IPO11: variants seen among roughly 807,000 people sequenced by gnomAD.
IPO11 encodes the protein importin-11.
Under a neutral mutation model 143.2 loss-of-function variants are expected in IPO11, and 66 were observed. The ratio of observed to expected loss-of-function variants is 0.46; its 90% CI spans 0.38 to 0.57. IPO11 has a LOEUF of 0.57. Ranked by LOEUF, IPO11 falls within the 20% of genes least tolerant of loss-of-function variation. IPO11 has a pLI of 0.00. For missense variants in IPO11, 1,026 were observed against 1,141.0 expected (o/e 0.90, Z 1.45); for synonymous variants, 385 against 377.8 (o/e 1.02, Z -0.22).
intron 29 of IPO11, among the ~76,000 whole-genome samples, chr5:62,623,645 C>CTTTTT (rs34547621): frequency 1.5e-5 from 2 of 134,252 alleles, no homozygotes; most frequent in African/African-American, 5.4e-5. Flanking sequence ...TCTTCTTTTT[C>CTTTTT]TTTTTTTTTT....
chr5:62,496,155 G>C (rs977243123), intron 16 of IPO11, among the ~76,000 whole-genome samples: 1 of 152,058 alleles, frequency 6.6e-6, no homozygotes, highest in Non-Finnish European at 1.5e-5. Flanking sequence ...GGGCATGGTG[G>C]CATGCGCCTG....
chr5:62,623,645 CTTTT>C (rs34547621), intron 29 of IPO11, among the ~76,000 whole-genome samples: 2 of 134,270 alleles, frequency 1.5e-5, no homozygotes, highest in Non-Finnish European at 1.6e-5. Context: ...TCTTCTTTTT[CTTTT>C]TTTTTTTTTT....
chr5:62,451,842 T>C lies in IPO11; in HGVS notation c.425T>C (p.Leu142Pro), dbSNP rs762709467. ...LIESVKVQDD[L>P]RQHRALLTFY... ...GAGTCTGTTAAAGTCCAGGATGATC[T>C]TCGACAGCACAGAGCATTACTTACC... The change falls in exon 5 of 30, where the codon CTT becomes CCT. Residue 142 changes from leucine to proline, a missense_variant. Leu to Pro is a moderately conservative substitution (Grantham distance 98). Coordinates refer to ENST00000325324, the MANE Select transcript of IPO11 (RefSeq NM_016338.5). 1 of 1,614,094 alleles carries C rather than the reference T, an allele frequency of 6.2e-7. No homozygotes were observed. Among genetic ancestry groups the C allele is most frequent in the South Asian group, 1.1e-5 (1 of 91,086 alleles).
chr5:62,579,694 C>T (rs1333514500), intron 27 of IPO11: 1 of 1,548,282 alleles, frequency 6.5e-7, no homozygotes, highest in African/African-American at 1.4e-5. Context: ...ACTTCATTCT[C>T]TTGTAGCATT....
intron 11 of IPO11, 21 bp downstream of exon 11, chr5:62,484,183 G>C: frequency 6.4e-7 from 1 of 1,569,748 alleles, no homozygotes; most frequent in Non-Finnish European, 8.6e-7. Context: ...ATTTTTTAGT[G>C]TTAGAATGAC....
chr5:62,610,487 ACTTACGTGT>A (rs775272292), intron 29 of IPO11, among the ~76,000 whole-genome samples: 27 of 152,202 alleles, frequency 1.8e-4, no homozygotes, highest in Non-Finnish European at 3.1e-4. Flanking sequence ...GTTTGTTGTC[ACTTACGTGT>A]TGGTTATCAC....
intron 1 of IPO11, among the ~76,000 whole-genome samples, chr5:62,428,366 C>T (rs153859): frequency 0.08 from 12,148 of 151,700 alleles, 536 homozygotes; most frequent in East Asian, 0.14. Context: ...TTTTTTGAGG[C>T]GGAGTCTCAC....
At chr5:62,542,370 G>A (rs879798702) in intron 24 of IPO11, among the ~76,000 whole-genome samples, 1 of 152,030 alleles carries the variant, frequency 6.6e-6, no homozygotes, top group Admixed American at 6.6e-5. Flanking sequence ...TAGGACAATA[G>A]TGCTTTCATT....
chr5:62,443,036 G>A lies in IPO11; in HGVS notation c.192G>A (p.Leu64=). The change falls in exon 3 of 30, where the codon CTG becomes CTA. Residue 64 remains leucine, a synonymous_variant. Transcript: ENST00000325324. ...TAAATGTAAGGTGGCTTGCTGTACT[G>A]TATTTTAAACATGGAATTGATCGCT... ...LDINVRWLAV[L]YFKHGIDRYW... is the part of the protein sequence containing the mutation. 6.2e-7 allele frequency: 1 copy of A among 1,612,606 alleles called. No homozygotes were observed. Among genetic ancestry groups the A allele is most frequent in the Non-Finnish European group, 8.5e-7 (1 of 1,179,210 alleles).
intron 18 of IPO11, among the ~76,000 whole-genome samples, chr5:62,505,473 G>A (rs970700500): frequency 6.6e-6 from 1 of 152,014 alleles, no homozygotes; most frequent in Non-Finnish European, 1.5e-5. Flanking sequence ...GTGATAAAAT[G>A]TACTTCTTTT....
At chr5:62,592,559 G>T (rs1021088321) in intron 28 of IPO11, among the ~76,000 whole-genome samples, 2 of 152,052 alleles carry the variant, frequency 1.3e-5, no homozygotes, top group African/African-American at 4.8e-5. Context: ...TAATGTAAGG[G>T]TTTATGGCTG....
intron 29 of IPO11, among the ~76,000 whole-genome samples, chr5:62,615,214 A>G (rs1273809924): frequency 1.3e-5 from 2 of 152,136 alleles, no homozygotes; most frequent in Non-Finnish European, 2.9e-5. Context: ...GGCCTTTGCC[A>G]GGGAACTGCC....
At chr5:62,416,182 CTTTT>C (rs869236693) in intron 1 of IPO11, among the ~76,000 whole-genome samples, 2 of 123,498 alleles carry the variant, frequency 1.6e-5, no homozygotes, top group Admixed American at 9.2e-5. Context: ...TTTTTCTTTT[CTTTT>C]TTTTTTTTTT....
intron 27 of IPO11, among the ~76,000 whole-genome samples, chr5:62,584,247 A>G (rs1744673009): frequency 6.6e-6 from 1 of 152,020 alleles, no homozygotes. Context: ...TTTGGTGTCA[A>G]GCTATTGATG....
chr5:62,467,196 A>C lies in IPO11; in HGVS notation c.582A>C (p.Gln194His), dbSNP rs758689101. The C allele has an allele frequency of 8.7e-6, 14 of 1,613,936 alleles. No homozygotes were observed. The highest frequency in any genetic ancestry group is 1.6e-4 in the Middle Eastern group (1 of 6,084). ...ATCACCACACAGACACATTCCTGCAAGAAGTTTCTTCTGGCAATGAAGCTG... is the reference window on the plus strand; with the variant it reads ...ATCACCACACAGACACATTCCTGCACGAAGTTTCTTCTGGCAATGAAGCTG... Reference protein sequence around the residue: ...LWNHHTDTFLQEVSSGNEAAI... With the variant: ...LWNHHTDTFLHEVSSGNEAAI... The change falls in exon 6 of 30, where the codon CAA becomes CAC. Residue 194 changes from glutamine (Q) to histidine (H), a missense_variant. Physicochemically the swap from Gln to His is conservative, Grantham distance 24. Coordinates refer to ENST00000325324, the MANE Select transcript of IPO11 (RefSeq NM_016338.5).
chr5:62,443,902 G>A (rs1744605212), intron 3 of IPO11, among the ~76,000 whole-genome samples: 1 of 152,096 alleles, frequency 6.6e-6, no homozygotes, highest in Admixed American at 6.6e-5. Flanking sequence ...TGCTTAAGAA[G>A]TAACATAATC....
At chr5:62,456,100 C>T (rs1745141398) in intron 5 of IPO11, among the ~76,000 whole-genome samples, 1 of 151,946 alleles carries the variant, frequency 6.6e-6, no homozygotes, top group African/African-American at 2.4e-5. Flanking sequence ...ACGACCTTGG[C>T]TCACTGTAAC....
intron 5 of IPO11, among the ~76,000 whole-genome samples, chr5:62,453,127 A>G (rs1003290915): frequency 6.6e-6 from 1 of 151,050 alleles, no homozygotes; most frequent in East Asian, 1.9e-4. Flanking sequence ...AGAGGGTGAC[A>G]TGGTGTTTTG....
intron 27 of IPO11, among the ~76,000 whole-genome samples, chr5:62,570,256 CTTTT>C (rs202091481): frequency 6.6e-6 from 1 of 151,932 alleles, no homozygotes. Context: ...ATTTATAAAA[CTTTT>C]TTTTAAGCTT....
Sources: allele counts gnomAD v4.1 joint callset (sites outside exome capture counted in the v4.1 genomes callset), GRCh38; gene constraint gnomAD v4.1.1; transcripts MANE v1.5; gene names NCBI Gene and HGNC (gene_info 2026-07-23, HGNC 2026-07-21).